The following ADAM32 variants were observed in gnomAD, a reference collection of about 807,000 sequenced individuals.
ADAM32 encodes ADAM metallopeptidase domain 32, also known as disintegrin and metalloproteinase domain-containing protein 32.
A neutral mutation model predicts 114.9 loss-of-function variants in ADAM32; 89 were observed. That is an observed-to-expected ratio of 0.77 (90% CI 0.65 to 0.92). ADAM32 has a LOEUF of 0.92. ADAM32 is among the 40% of genes least tolerant of loss of function. The pLI is 0.00. For synonymous variants in ADAM32, 285 were observed against 307.5 expected, an observed-to-expected ratio of 0.93 and a Z score of 0.77; for missense variants, 870 against 932.8, an observed-to-expected ratio of 0.93 and a Z score of 0.88.
At chr8:39,247,808 G>C (rs944043043) in intron 17 of ADAM32, among the ~76,000 whole-genome samples, 2 of 150,010 alleles carry the variant, frequency 1.3e-5, no homozygotes, top group East Asian at 1.9e-4. Flanking sequence ...TTATCTTCTA[G>C]GAGTTTTTTA....
chr8:39,245,587 G>A (rs1427907960), intron 16 of ADAM32, among the ~76,000 whole-genome samples: 1 of 152,162 alleles, frequency 6.6e-6, no homozygotes, highest in Admixed American at 6.5e-5. Flanking sequence ...TAGAGGAAAG[G>A]CCATGTGAGG....
intron 4 of ADAM32, 68 bp from the exon 5 acceptor site, chr8:39,149,723 A>T: frequency 9.0e-7 from 1 of 1,105,962 alleles, no homozygotes; most frequent in Non-Finnish European, 1.3e-6. Flanking sequence ...TATCAAGTAT[A>T]GAAGTAGGAA....
At chr8:39,282,024 T>C (rs1813450914) in intron 23 of ADAM32, among the ~76,000 whole-genome samples, 1 of 152,218 alleles carries the variant, frequency 6.6e-6, no homozygotes. Flanking sequence ...CTTGGATGTC[T>C]CCTAACATAA....
In ADAM32 at chr8:39,246,145, A is replaced by G. The variant is rs749604232; in HGVS notation, c.1881A>G (p.Ser627=). ...TTAAGGCTTCAGCACATGTTTGTTC[A>G]CAACAGTGTTCTGGACATGGAGTAA... ...RIIKASAHVC[S]QQCSGHGVCD... is the part of the protein sequence containing the mutation. Residue 627 remains serine, a synonymous_variant, in exon 17 of 25, where the codon TCA becomes TCG. Coordinates refer to ENST00000379907, the MANE Select transcript of ADAM32 (RefSeq NM_145004.7). The G allele has an allele frequency of 6.4e-5, 104 of 1,613,322 alleles. No individual in the cohort carries two copies. Among genetic ancestry groups the G allele is most frequent in the Non-Finnish European group, 7.6e-6 (9 of 1,179,552 alleles).
At chr8:39,256,511 C>G (rs1460042642) in intron 18 of ADAM32, among the ~76,000 whole-genome samples, 1 of 152,020 alleles carries the variant, frequency 6.6e-6, no homozygotes, top group Non-Finnish European at 1.5e-5. Flanking sequence ...GCTTCCATTT[C>G]TGTCATTAAT....
At chr8:39,229,035 C>T (rs1342191117) in intron 14 of ADAM32, among the ~76,000 whole-genome samples, 1 of 152,156 alleles carries the variant, frequency 6.6e-6, no homozygotes, top group Non-Finnish European at 1.5e-5. Context: ...CTTCAGCTTC[C>T]TCAGACAAAA....
chr8:39,200,028 A>C, intron 11 of ADAM32, among the ~76,000 whole-genome samples: 1 of 152,138 alleles, frequency 6.6e-6, no homozygotes, highest in Non-Finnish European at 1.5e-5. Flanking sequence ...TCACTGATGG[A>C]CATTTGGGTT....
chr8:39,282,779 C>T lies in ADAM32; in HGVS notation c.2319-807C>T, dbSNP rs1813503462. Among the ~76,000 whole-genome samples, 3 of 152,016 alleles carry T rather than the reference C, an allele frequency of 2.0e-5. No individual in the cohort carries two copies. In the South Asian group the frequency reaches 6.2e-4, roughly 32 times the overall value. The stretch of plus-strand genomic sequence containing the variant: ...AATGAAACAATATATTTTTTTAAGC[C>T]AGAAATCTAATGGGTGTACATTTCA... On this transcript the variant is annotated intron_variant, in intron 23 of 24. Transcript: ENST00000379907.
chr8:39,121,556 A>G (rs1486549507), intron 2 of ADAM32, among the ~76,000 whole-genome samples: 1 of 152,162 alleles, frequency 6.6e-6, no homozygotes, highest in African/African-American at 2.4e-5. Flanking sequence ...CTATGTAACA[A>G]ACCTGCATGT....
Position 39,125,434 on chromosome 8 carries a change from A to G in ADAM32, c.138+7269A>G, listed in dbSNP as rs557976360. Among the ~76,000 whole-genome samples the G allele has an allele frequency of 1.1e-4, 17 of 152,256 alleles. No individual in the cohort carries two copies. The South Asian group carries it at 3.3e-3, about 30-fold the overall frequency. ...TGGTTTCACAGGTTCACAACTGGAGAGGAATTTTGCCTCAGGATGAATCAT... is the reference window on the plus strand; with the variant it reads ...TGGTTTCACAGGTTCACAACTGGAGGGGAATTTTGCCTCAGGATGAATCAT... On this transcript the variant is annotated intron_variant, in intron 2 of 24. Transcript: ENST00000379907.
chr8:39,134,623 C>T (rs1188654611), intron 2 of ADAM32, among the ~76,000 whole-genome samples: 1 of 152,082 alleles, frequency 6.6e-6, no homozygotes, highest in Non-Finnish European at 1.5e-5. Context: ...CACAAATTTA[C>T]CATTATTGTT....
At chr8:39,145,914 A>G (rs1336690894) in intron 3 of ADAM32, among the ~76,000 whole-genome samples, 1 of 151,966 alleles carries the variant, frequency 6.6e-6, no homozygotes, top group Non-Finnish European at 1.5e-5. Context: ...TATTTTTGGT[A>G]GAGATGAGGT....
upstream of ADAM32, chr8:39,107,595 G>T (rs1489473266): frequency 7.1e-7 from 1 of 1,409,724 alleles, no homozygotes; most frequent in African/African-American, 1.5e-5. Flanking sequence ...GCCTCGGGGC[G>T]CACGCTGCGG....
In ADAM32 at chr8:39,232,109, TAAC is replaced by T; in HGVS notation, c.1611_1613del (p.Asn537del). On this transcript the variant is annotated inframe_deletion, in exon 15 of 25. Transcript: ENST00000379907. ...TTGGGAACTGTGGTAGGGATAGAAA[TAAC>T]AAATATGTGTTCTGTGGATGGAGGT... 6.2e-7 allele frequency: 1 copy of T among 1,607,134 alleles called. No homozygotes were observed. The highest frequency in any genetic ancestry group is 8.5e-7 in the Non-Finnish European group (1 of 1,174,352).
At chr8:39,163,776 A>G (rs762896586) in intron 7 of ADAM32, among the ~76,000 whole-genome samples, 2 of 152,234 alleles carry the variant, frequency 1.3e-5, no homozygotes, top group Admixed American at 6.5e-5. Context: ...TAGTGAAAAT[A>G]TAAGTAGGAA....
At chr8:39,212,718 T>C (rs1808310692) in intron 12 of ADAM32, among the ~76,000 whole-genome samples, 1 of 152,240 alleles carries the variant, frequency 6.6e-6, no homozygotes, top group Admixed American at 6.5e-5. Context: ...ATTCACCTGC[T>C]AATGGACATT....
rs755988953 is a variant in ADAM32, at chr8:39,165,175, A to G, written c.812A>G (p.His271Arg). 1.3e-6 allele frequency: 2 copies of G among 1,570,008 alleles called. No homozygotes were observed. Among genetic ancestry groups the G allele is most frequent in the Middle Eastern group, 1.7e-4 (1 of 5,748 alleles). The change falls in exon 9 of 25, where the codon CAT becomes CGT. Residue 271 changes from histidine (H) to arginine (R), a missense_variant. By Grantham distance (29) the His-to-Arg change is conservative. Transcript: ENST00000379907. ...CAATCTTATCTTAACCTAAGGCCTCATGATATTGCATATCTACTAATGTAA... is the reference window on the plus strand; with the variant it reads ...CAATCTTATCTTAACCTAAGGCCTCGTGATATTGCATATCTACTAATGTAA... ...WKQSYLNLRPHDIAYLLIYMD... is the reference protein window; with the variant it reads ...WKQSYLNLRPRDIAYLLIYMD...
intron 10 of ADAM32, among the ~76,000 whole-genome samples, chr8:39,179,390 G>A (rs1053746084): frequency 1.3e-5 from 2 of 152,206 alleles, no homozygotes; most frequent in Non-Finnish European, 2.9e-5. Flanking sequence ...AGTCGGGCCT[G>A]CAGAACAACA....
At position 39,122,726 on chromosome 8, in the gene ADAM32, G is replaced by A. The variant is rs549248618; in HGVS notation, c.138+4561G>A. On this transcript the variant is annotated intron_variant, in intron 2 of 24. Coordinates refer to ENST00000379907, the MANE Select transcript of ADAM32 (RefSeq NM_145004.7). ...CAAGTAGCTGGAATTACAGGCATGT[G>A]CCACCACGCTTGGCTATTTTTTGGT... is the stretch of plus-strand genomic sequence containing the variant. Among the ~76,000 whole-genome samples the A allele has an allele frequency of 9.2e-5, 14 of 152,310 alleles. No homozygotes were observed. The South Asian group carries it at 2.7e-3, about 29-fold the overall frequency.
Sources: gnomAD v4.1 joint callset for allele counts (sites outside exome capture counted in the v4.1 genomes callset) on GRCh38, gnomAD v4.1.1 for gene constraint, MANE v1.5 for transcripts, NCBI Gene and HGNC (gene_info 2026-07-23, HGNC 2026-07-21) for gene names.